Variants in SENP2 observed in about 807,000 individuals in gnomAD.
SENP2 encodes SUMO specific peptidase 2.
In SENP2, 16 loss-of-function variants were observed where a neutral mutation model predicts 86.3. The ratio of observed to expected loss-of-function variants is 0.19; its 90% CI spans 0.13 to 0.28. SENP2 has a LOEUF of 0.28. Among genes scored for constraint, SENP2 ranks in the 10% least tolerant of loss-of-function variants. The probability of loss-of-function intolerance (pLI) is 1.00; values close to 1 mark genes in which losing one functional copy is unlikely to be tolerated. For synonymous variants in SENP2, 222 were observed against 238.7 expected (o/e 0.93, Z 0.64); for missense variants, 552 against 703.0 (o/e 0.79, Z 2.43).
chr3:185,606,644 T>A, intron 6 of SENP2, 146 bp downstream of exon 6: 1 of 708,406 alleles, frequency 1.4e-6, no homozygotes, highest in Non-Finnish European at 2.3e-6. Flanking sequence ...GAGGCTGTCT[T>A]AAACCCAGAT....
At chr3:185,606,255 A>G (rs998515577) in intron 5 of SENP2, 75 bp from the exon 6 acceptor site, 3 of 1,358,642 alleles carry the variant, frequency 2.2e-6, no homozygotes, top group African/African-American at 2.9e-5. Flanking sequence ...TAATCACAGG[A>G]TGGTCTGGGA....
intron 1 of SENP2, among the ~76,000 whole-genome samples, chr3:185,587,162 T>G (rs1037751981): frequency 6.6e-6 from 1 of 152,212 alleles, no homozygotes; most frequent in African/African-American, 2.4e-5. Flanking sequence ...AGACGGAGTC[T>G]TGCTCTGTCG....
At chr3:185,626,232 G>C (rs1712138788) in intron 15 of SENP2, 66 bp from the exon 16 acceptor site, 1 of 1,050,264 alleles carries the variant, frequency 9.5e-7, no homozygotes, top group South Asian at 1.4e-5. Flanking sequence ...TTTAGAAAAA[G>C]TCCAAGGAAT....
intron 15 of SENP2, among the ~76,000 whole-genome samples, chr3:185,625,807 T>A (rs867136901): frequency 6.6e-6 from 1 of 152,206 alleles, no homozygotes; most frequent in African/African-American, 2.4e-5. Flanking sequence ...TGGCCCTTTT[T>A]AAAATTGATA....
In SENP2 at chr3:185,592,005, A is replaced by ATTTTTTTTT. The variant is rs1491210718; in HGVS notation, c.157+1837_157+1838insTTTTTTTTT. On this transcript the variant is annotated intron_variant, in intron 2 of 16. Transcript: ENST00000296257. Reference sequence around the variant, plus strand: ...ATACTCCTGTCTTTAAGAACCGGTAATATTTCTTTTTTTTTTTTTTTTTTT... The same window carrying ATTTTTTTTT: ...ATACTCCTGTCTTTAAGAACCGGTAATTTTTTTTTTATTTCTTTTTTTTTTTTTTTTTTT... Among the ~76,000 whole-genome samples, 8 of 28,024 alleles carry ATTTTTTTTT rather than the reference A, an allele frequency of 2.9e-4. No homozygotes were observed. In the East Asian group the frequency reaches 0.02, roughly 71 times the overall value. 18.4% of individuals were successfully genotyped at this position (28,024 alleles called of 152,430 possible). A position where few individuals can be genotyped will look rare whatever the true frequency, so the allele number is the denominator to read the frequency against.
chr3:185,599,437 A>T (rs1312793827), intron 4 of SENP2, among the ~76,000 whole-genome samples: 1 of 152,138 alleles, frequency 6.6e-6, no homozygotes, highest in African/African-American at 2.4e-5. Context: ...TCACAGTTTT[A>T]TGGACTAGGG....
At chr3:185,601,101 T>C (rs1722331293) in intron 5 of SENP2, among the ~76,000 whole-genome samples, 1 of 148,798 alleles carries the variant, frequency 6.7e-6, no homozygotes. Flanking sequence ...TGGAGTGCAT[T>C]GGTGCGATCT....
rs538198213 is a variant in SENP2, at chr3:185,586,570, G to C, written c.101+56G>C. 3.3e-6 allele frequency: 5 copies of C among 1,526,132 alleles called. No homozygotes were observed. Among genetic ancestry groups the C allele is most frequent in the Admixed American group, 3.4e-5 (2 of 59,390 alleles). The allele number at this position is 1,526,132 out of a possible 1,614,324, so 94.5% of individuals were successfully genotyped here. A position where few individuals can be genotyped will look rare whatever the true frequency, so the allele number is the denominator to read the frequency against. Reference sequence around the variant, plus strand: ...GGCCTTACCCCCTCCCCCACAGCGGGCTCCTCGGCCGTGATAGCTTTGATT... The same window carrying C: ...GGCCTTACCCCCTCCCCCACAGCGGCCTCCTCGGCCGTGATAGCTTTGATT... On this transcript the variant is annotated intron_variant, in intron 1 of 16. Transcript: ENST00000296257. The surrounding 1 kb of genome is among the most constrained non-coding windows in gnomAD (Gnocchi z 4.3).
intron 5 of SENP2, among the ~76,000 whole-genome samples, chr3:185,603,447 A>G (rs536939047): frequency 6.6e-6 from 1 of 152,308 alleles, no homozygotes; most frequent in South Asian, 2.1e-4. Flanking sequence ...ACAAAACCAT[A>G]GGCCTGTATT....
At chr3:185,587,165 C>T (rs564752128) in intron 1 of SENP2, among the ~76,000 whole-genome samples, 125 of 152,288 alleles carry the variant, frequency 8.2e-4, no homozygotes, top group African/African-American at 3.0e-3. Flanking sequence ...CGGAGTCTTG[C>T]TCTGTCGCCC....
chr3:185,617,966 CAG>C (rs1711684657), intron 12 of SENP2, among the ~76,000 whole-genome samples: 2 of 152,120 alleles, frequency 1.3e-5, no homozygotes, highest in Admixed American at 1.3e-4. Context: ...GTTTTTGAGA[CAG>C]AGTTTTGCTC....
At chr3:185,626,469 T>A in intron 16 of SENP2, 76 bp downstream of exon 16, 1 of 984,502 alleles carries the variant, frequency 1.0e-6, no homozygotes, top group South Asian at 1.4e-5. Context: ...TGGCACACAT[T>A]CAGCTCTCAA....
At chr3:185,626,266 T>G (rs1419582432) in intron 15 of SENP2, 32 bp from the exon 16 acceptor site, 1 of 1,412,490 alleles carries the variant, frequency 7.1e-7, no homozygotes, top group Non-Finnish European at 9.9e-7. Flanking sequence ...TGTTTTACCC[T>G]TTCCTCTCTT....
intron 5 of SENP2, among the ~76,000 whole-genome samples, chr3:185,601,788 C>T (rs1722355230): frequency 6.6e-6 from 1 of 151,762 alleles, no homozygotes. Context: ...CAGGGGCGTG[C>T]CACCATGCCC....
At chr3:185,593,695 C>T (rs1030202406) in intron 2 of SENP2, among the ~76,000 whole-genome samples, 1 of 151,634 alleles carries the variant, frequency 6.6e-6, no homozygotes, top group Non-Finnish European at 1.5e-5. Flanking sequence ...TTAACAGGCC[C>T]AACTAGAACT....
chr3:185,618,006 G>A (rs148399207), intron 12 of SENP2, among the ~76,000 whole-genome samples: 3 of 152,226 alleles, frequency 2.0e-5, no homozygotes, highest in East Asian at 1.9e-4. Flanking sequence ...GTGCAATGGC[G>A]CAATCTTGGC....
rs1156317272 is a variant in SENP2, at chr3:185,602,832, TAAAA to T, written c.449+1999_449+2002del. Among the ~76,000 whole-genome samples the T allele has an allele frequency of 4.4e-3, 276 of 63,044 alleles. 5 individuals are homozygous for T. The highest frequency in any genetic ancestry group is 0.018 in the African/African-American group (264 of 14,806). 41.4% of individuals were successfully genotyped at this position (63,044 alleles called of 152,430 possible). A position where few individuals can be genotyped will look rare whatever the true frequency, so the allele number is the denominator to read the frequency against. ...TGGGTGACAGAGTGAGACTCTGTCTTAAAAAAAAAAAAAAAAAAAAAAAAAGTTT... is the reference window on the plus strand; with the variant it reads ...TGGGTGACAGAGTGAGACTCTGTCTTAAAAAAAAAAAAAAAAAAAAAGTTT... On this transcript the variant is annotated intron_variant, in intron 5 of 16. Coordinates refer to ENST00000296257, the MANE Select transcript of SENP2 (RefSeq NM_021627.3).
chr3:185,595,001 G>T (rs1032372209), intron 2 of SENP2, among the ~76,000 whole-genome samples: 69 of 152,138 alleles, frequency 4.5e-4, no homozygotes, highest in Admixed American at 4.5e-3. Flanking sequence ...TGGGATTACA[G>T]GTGTGAGCCA....
chr3:185,625,932 A>C (rs1032293975), intron 15 of SENP2, among the ~76,000 whole-genome samples: 6 of 152,196 alleles, frequency 3.9e-5, no homozygotes, highest in Non-Finnish European at 7.3e-5. Flanking sequence ...TCTCTTCTGA[A>C]AAGCATTTCC....
Sources: allele counts gnomAD v4.1 joint callset (sites outside exome capture counted in the v4.1 genomes callset), GRCh38; gene constraint gnomAD v4.1.1; non-coding constraint Gnocchi (gnomAD v3.1); transcripts MANE v1.5; gene names NCBI Gene and HGNC (gene_info 2026-07-23, HGNC 2026-07-21).